IFT122: variants seen among roughly 807,000 people sequenced by gnomAD.
IFT122 encodes the protein intraflagellar transport protein 122 homolog.
IFT122 carries 118 observed loss-of-function variants against 161.6 expected under a neutral mutation model. That is an observed-to-expected ratio of 0.73 (90% confidence interval 0.63 to 0.85). The LOEUF (loss-of-function observed/expected upper bound fraction) is 0.85, where lower values mean the gene tolerates loss of function less well. Among genes scored for constraint, IFT122 ranks in the 40% least tolerant of loss-of-function variants. The probability of loss-of-function intolerance (pLI) is 0.00; values close to 1 mark genes in which losing one functional copy is unlikely to be tolerated. For synonymous variants in IFT122, 550 were observed against 602.4 expected, an observed-to-expected ratio of 0.91 and a Z score of 1.27; for missense variants, 1,381 against 1,579.6, an observed-to-expected ratio of 0.87 and a Z score of 2.13.
intron 15 of IFT122, chr3:129,488,005 A>G: frequency 3.5e-6 from 2 of 565,390 alleles, no homozygotes; most frequent in Non-Finnish European, 6.4e-6. Flanking sequence ...GCAGGCCTGT[A>G]GGTGGGAAGG....
In IFT122 at chr3:129,515,648, C is replaced by T. The variant is rs1049922866; in HGVS notation, c.3265+49C>T. 254 of 1,488,150 alleles carry T rather than the reference C, an allele frequency of 1.7e-4. 1 individual carries two copies. In the East Asian group the frequency reaches 5.4e-3, roughly 32 times the overall value. 92.2% of individuals were successfully genotyped at this position (1,488,150 alleles called of 1,614,324 possible). On this transcript the variant is annotated intron_variant, in intron 26 of 29. Transcript: ENST00000348417. ...GTGGGTGGGACAGCCTGTGGACAGC[C>T]AGGCTCACTCCACTGCTCTCTGGCC...
At chr3:129,516,478 T>G (rs183957934) in intron 26 of IFT122, among the ~76,000 whole-genome samples, 2,019 of 28,170 alleles carry the variant, frequency 0.072, 92 homozygotes, top group African/African-American at 0.23. Context: ...CACACACACA[T>G]GGAGACTGCC....
intron 14 of IFT122, among the ~76,000 whole-genome samples, chr3:129,482,187 C>G (rs2078740884): frequency 6.6e-6 from 1 of 152,220 alleles, no homozygotes; most frequent in African/African-American, 2.4e-5. Context: ...ACTTAATTCA[C>G]AAGAATGCTA....
intron 26 of IFT122, 48 bp downstream of exon 26, chr3:129,515,647 C>T (rs369154504): frequency 1.3e-5 from 20 of 1,486,364 alleles, no homozygotes; most frequent in Admixed American, 1.0e-4. Context: ...CTGTGGACAG[C>T]CAGGCTCACT....
At chr3:129,493,182 A>G (rs1045746398) in intron 17 of IFT122, among the ~76,000 whole-genome samples, 2 of 152,120 alleles carry the variant, frequency 1.3e-5, no homozygotes, top group African/African-American at 4.8e-5. Context: ...AAAGGCATAT[A>G]CATTTTTTCT....
intron 21 of IFT122, among the ~76,000 whole-genome samples, chr3:129,506,110 C>T (rs1249410439): frequency 6.6e-6 from 1 of 152,170 alleles, no homozygotes; most frequent in Non-Finnish European, 1.5e-5. Context: ...TGAAGATGAG[C>T]AAGTTTCACT....
chr3:129,449,034 C>T (rs2074408660), intron 1 of IFT122, among the ~76,000 whole-genome samples: 1 of 152,172 alleles, frequency 6.6e-6, no homozygotes, highest in South Asian at 2.1e-4. Context: ...CTCGATTTTT[C>T]AGGCTGCTCT....
chr3:129,456,272 C>T lies in IFT122; in HGVS notation c.194-2327C>T, dbSNP rs562467634. 5.7e-5 allele frequency: 72 copies of T among 1,256,418 alleles called. No homozygotes were observed. In the African/African-American group the frequency reaches 1.0e-3, roughly 18 times the overall value. 77.8% of individuals were successfully genotyped at this position (1,256,418 alleles called of 1,614,324 possible). ...GGAGGAGTGATGGAAATAGTAAGAGCAGTTTCTTTGTTTATTTAGTATTTG... is the reference window on the plus strand; with the variant it reads ...GGAGGAGTGATGGAAATAGTAAGAGTAGTTTCTTTGTTTATTTAGTATTTG... On this transcript the variant is annotated intron_variant, in intron 3 of 29. Transcript: ENST00000348417.
In IFT122 at chr3:129,508,540, C is replaced by T. The variant is rs370693214; in HGVS notation, c.2886+778C>T. ...TATTAGGTTGGTGCAAAAGTAATTGCGGTTTCAGACTGAATTTTAAATCAT... is the reference window on the plus strand; with the variant it reads ...TATTAGGTTGGTGCAAAAGTAATTGTGGTTTCAGACTGAATTTTAAATCAT... On this transcript the variant is annotated intron_variant, in intron 23 of 29. Transcript: ENST00000348417. Among the ~76,000 whole-genome samples, 5 of 152,280 alleles carry T rather than the reference C, an allele frequency of 3.3e-5. No homozygotes were observed. The East Asian group carries it at 5.8e-4, about 18-fold the overall frequency.
chr3:129,519,040 G>A, intron 27 of IFT122, 67 bp from the exon 28 acceptor site: 2 of 1,349,500 alleles, frequency 1.5e-6, no homozygotes, highest in Admixed American at 1.7e-5. Context: ...TCACAGGGGT[G>A]TAGGGTGGAG....
At chr3:129,458,303 G>A (rs1384896512) in intron 3 of IFT122, among the ~76,000 whole-genome samples, 2 of 152,166 alleles carry the variant, frequency 1.3e-5, no homozygotes, top group African/African-American at 2.4e-5. Context: ...ACACTAGACT[G>A]AACTTTATGA....
Position 129,459,713 on chromosome 3 carries a change from CTT to C in IFT122, c.272+1037_272+1038del, listed in dbSNP as rs1379499077. On this transcript the variant is annotated intron_variant, in intron 4 of 29. Transcript: ENST00000348417. Reference sequence around the variant, plus strand: ...CCTTCCTTCCTTCCTTCCTTCCTTCCTTCCTTCCTTCCTTCCCTCCCTCCCTC... The same window carrying C: ...CCTTCCTTCCTTCCTTCCTTCCTTCCCCTTCCTTCCTTCCCTCCCTCCCTC... 3.9e-4 allele frequency among the ~76,000 whole-genome samples: 42 copies of C among 106,548 alleles called. 3 individuals carry two copies. Among genetic ancestry groups the C allele is most frequent in the South Asian group, 3.4e-3 (9 of 2,678 alleles). 69.9% of individuals were successfully genotyped at this position (106,548 alleles called of 152,430 possible).
rs552758002 is a variant in IFT122, at chr3:129,487,000, G to A, written c.1852-1257G>A. Among the ~76,000 whole-genome samples the A allele has an allele frequency of 2.0e-5, 3 of 152,290 alleles. No homozygotes were observed. The South Asian group carries it at 6.2e-4, about 32-fold the overall frequency. On this transcript the variant is annotated intron_variant, in intron 15 of 29. Transcript: ENST00000348417. ...GAAGCAGCCATGTTTTGCTCTGAGAGTAGACAGACTCAAAATAAAAAAAAT... is the reference window on the plus strand; with the variant it reads ...GAAGCAGCCATGTTTTGCTCTGAGAATAGACAGACTCAAAATAAAAAAAAT...
chr3:129,444,089 A>G (rs1394413311), intron 1 of IFT122, among the ~76,000 whole-genome samples: 4 of 152,216 alleles, frequency 2.6e-5, no homozygotes, highest in African/African-American at 9.6e-5. Flanking sequence ...GGCGCTTTGG[A>G]TAGACTGGCT....
chr3:129,440,404 G>A, intron 1 of IFT122, 33 bp downstream of exon 1: 1 of 1,549,566 alleles, frequency 6.5e-7, no homozygotes, highest in East Asian at 2.4e-5. Context: ...AAGAGCAGGA[G>A]GTCGAGTCCT....
intron 3 of IFT122, 124 bp from the exon 4 acceptor site, chr3:129,458,475 T>A (rs1417226871): frequency 1.2e-6 from 1 of 839,560 alleles, no homozygotes; most frequent in East Asian, 2.5e-5. Flanking sequence ...CCAGTACTGA[T>A]AAGAACTAGG....
intron 14 of IFT122, among the ~76,000 whole-genome samples, chr3:129,481,972 C>T (rs1001381391): frequency 3.3e-5 from 5 of 152,228 alleles, no homozygotes; most frequent in Non-Finnish European, 7.3e-5. Context: ...TAAGCGTTTA[C>T]CATGAACAAG....
chr3:129,497,982 T>C (rs755423766), intron 18 of IFT122, among the ~76,000 whole-genome samples: 5 of 152,236 alleles, frequency 3.3e-5, no homozygotes, highest in Non-Finnish European at 7.3e-5. Flanking sequence ...TTAACTCTTA[T>C]GTAGTATGTT....
intron 6 of IFT122, among the ~76,000 whole-genome samples, 173 bp from the exon 7 acceptor site, chr3:129,464,462 C>T (rs890055634): frequency 1.3e-5 from 2 of 152,226 alleles, no homozygotes; most frequent in African/African-American, 4.8e-5. Flanking sequence ...AACTAAATAG[C>T]ATTTTAAGTT....
Sources: gnomAD v4.1 joint callset for allele counts (sites outside exome capture counted in the v4.1 genomes callset) on GRCh38, gnomAD v4.1.1 for gene constraint, MANE v1.5 for transcripts, NCBI Gene and HGNC (gene_info 2026-07-23, HGNC 2026-07-21) for gene names.